The following DMD variants were observed in gnomAD, a reference collection of about 807,000 sequenced individuals.
DMD encodes dystrophin.
Under a neutral mutation model 330.1 loss-of-function variants are expected in DMD, and 63 were observed. The ratio of observed to expected loss-of-function variants is 0.19; its 90% confidence interval spans 0.16 to 0.24. The LOEUF is 0.24. Among genes scored for constraint, DMD ranks in the 10% least tolerant of loss-of-function variants. The pLI is 1.00. For missense variants in DMD, 3,344 were observed against 2,684.1 expected (o/e 1.25, Z -5.43); for synonymous variants, 1,223 against 959.8 (o/e 1.27, Z -5.07).
intron 44 of DMD, among the ~76,000 whole-genome samples, chrX:31,998,132 A>G (rs1219687732): frequency 1.8e-5 from 2 of 111,670 alleles, no homozygotes; most frequent in East Asian, 5.6e-4. Context: ...ACTACATTTT[A>G]TCACATTAAA....
intron 1 of DMD, among the ~76,000 whole-genome samples, chrX:33,071,659 C>A (rs2094759613): frequency 9.0e-6 from 1 of 111,225 alleles, no homozygotes; most frequent in African/African-American, 3.3e-5. Flanking sequence ...GTGTGAGCTT[C>A]TTCATATTAT....
chrX:31,749,387 T>G (rs753807338), intron 51 of DMD, among the ~76,000 whole-genome samples: 1 of 99,899 alleles, frequency 1.0e-5, no homozygotes, highest in Non-Finnish European at 2.0e-5. Flanking sequence ...AATGAGAATA[T>G]GCGGTGTTTG....
chrX:32,344,298 C>A (rs767333347), intron 39 of DMD, among the ~76,000 whole-genome samples: 1 of 111,548 alleles, frequency 9.0e-6, no homozygotes, highest in African/African-American at 3.2e-5. Flanking sequence ...AAAATTTTGA[C>A]CTTCTCTAAA....
intron 44 of DMD, among the ~76,000 whole-genome samples, chrX:31,979,017 C>T (rs1428962574): frequency 1.8e-5 from 2 of 112,061 alleles, no homozygotes; most frequent in African/African-American, 6.5e-5. Flanking sequence ...TGTACTTGAA[C>T]TGTATCTACA....
chrX:32,418,056 G>A (rs181705938), intron 29 of DMD, among the ~76,000 whole-genome samples: 3 of 111,064 alleles, frequency 2.7e-5, no homozygotes, highest in Non-Finnish European at 3.8e-5. Context: ...AGCTTGAGCT[G>A]GAAACAAGGA....
rs2031930301 is a variant in DMD at position 31,119,325 on chromosome X, T to C, written c.*2594A>G. On this transcript the variant is annotated 3_prime_UTR_variant, in exon 79 of 79. Transcript: ENST00000357033. ...GGTGAAGTCTGATATGTTGTGAAAA[T>C]GCAGTAAAACTGAAGTTTAAAAAAA... 8.9e-6 allele frequency: 1 copy of C among 112,146 alleles called. No homozygotes were observed. Among genetic ancestry groups the C allele is most frequent in the Non-Finnish European group, 1.9e-5 (1 of 53,077 alleles). 9.2% of individuals were successfully genotyped at this position (112,146 alleles called of 1,213,427 possible). A position where few individuals can be genotyped will look rare whatever the true frequency, so the allele number is the denominator to read the frequency against.
chrX:32,717,286 C>T (rs73458817), intron 7 of DMD, among the ~76,000 whole-genome samples: 2,089 of 111,414 alleles, frequency 0.019, 60 homozygotes, highest in African/African-American at 0.064. Context: ...TAGGGCCTCA[C>T]TGCTCTGCAC....
intron 1 of DMD, among the ~76,000 whole-genome samples, chrX:33,094,877 GGTAA>G (rs1251208206): frequency 1.8e-5 from 2 of 110,300 alleles, no homozygotes; most frequent in African/African-American, 3.3e-5. Flanking sequence ...GGCATTTTGA[GGTAA>G]GTAAGACAGA....
intron 2 of DMD, chrX:32,960,483 C>G (rs181793516): frequency 7.7e-4 from 86 of 112,124 alleles, no homozygotes; most frequent in African/African-American, 2.7e-3. Context: ...AGTCAAAACC[C>G]GAAGACAGTG....
At chrX:32,476,633 C>A (rs781374028) in intron 21 of DMD, among the ~76,000 whole-genome samples, 24 of 111,828 alleles carry the variant, frequency 2.1e-4, no homozygotes, top group Non-Finnish European at 4.0e-4. Context: ...GACAAATTTG[C>A]AACGGTATAG....
intron 1 of DMD, among the ~76,000 whole-genome samples, chrX:33,309,270 C>T (rs184190509): frequency 9.0e-6 from 1 of 111,388 alleles, no homozygotes; most frequent in Non-Finnish European, 1.9e-5. Flanking sequence ...CTTTGGTCTG[C>T]TCTAGCGCGC....
intron 1 of DMD, among the ~76,000 whole-genome samples, 160 bp from the exon 2 acceptor site, chrX:33,020,360 G>A (rs761839375): frequency 8.9e-6 from 1 of 111,861 alleles, no homozygotes; most frequent in East Asian, 2.8e-4. Flanking sequence ...TGCTGGTTTG[G>A]GGCATCCAAA....
chrX:31,572,139 G>T (rs921171240), intron 55 of DMD, among the ~76,000 whole-genome samples: 9 of 109,093 alleles, frequency 8.2e-5, no homozygotes, highest in Non-Finnish European at 1.7e-4. Flanking sequence ...TAAAATAAAA[G>T]TTAAAAAAAT....
intron 49 of DMD, among the ~76,000 whole-genome samples, chrX:31,820,478 T>A (rs761830743): frequency 8.9e-6 from 1 of 112,062 alleles, no homozygotes; most frequent in Admixed American, 9.4e-5. Flanking sequence ...CCCCAGTCAA[T>A]TATATCAGAG....
At chrX:31,846,146 A>G (rs1404322296) in intron 48 of DMD, among the ~76,000 whole-genome samples, 1 of 111,077 alleles carries the variant, frequency 9.0e-6, no homozygotes, top group African/African-American at 3.3e-5. Context: ...ACCATGTTAC[A>G]TATTACAGAT....
intron 1 of DMD, chrX:33,041,743 T>G: frequency 1.7e-6 from 2 of 1,185,499 alleles, no homozygotes; most frequent in South Asian, 1.8e-5. Context: ...TATGGGGTGG[T>G]TTTTGCATTA....
At chrX:32,429,394 T>G (rs1313225771) in intron 29 of DMD, among the ~76,000 whole-genome samples, 2 of 77,572 alleles carry the variant, frequency 2.6e-5, no homozygotes, top group Admixed American at 1.5e-4. Context: ...TGGGTTTTTT[T>G]TTTTTTTTTT....
chrX:32,221,186 T>A (rs769122817), intron 43 of DMD, among the ~76,000 whole-genome samples: 2 of 111,152 alleles, frequency 1.8e-5, no homozygotes, highest in South Asian at 7.6e-4. Context: ...TTTAAATAAA[T>A]AACACCCTAG....
chrX:31,970,714 G>A (rs990730849), intron 44 of DMD, among the ~76,000 whole-genome samples: 2 of 111,069 alleles, frequency 1.8e-5, no homozygotes. Context: ...GGCGTTAGGG[G>A]AGGAGTACAG....
Sources: gnomAD v4.1 joint callset for allele counts (sites outside exome capture counted in the v4.1 genomes callset) on GRCh38, gnomAD v4.1.1 for gene constraint, MANE v1.5 for transcripts, NCBI Gene and HGNC (gene_info 2026-07-23, HGNC 2026-07-21) for gene names.